Variants in KDM2B observed in about 807,000 individuals in gnomAD.
The protein encoded by KDM2B is lysine-specific demethylase 2B.
Under a neutral mutation model 150.0 loss-of-function variants are expected in KDM2B, and 26 were observed. That is an observed-to-expected ratio of 0.17 (90% CI 0.13 to 0.24). KDM2B has a LOEUF of 0.24. Ranked by LOEUF, KDM2B falls within the 10% of genes least tolerant of loss-of-function variation. KDM2B has a pLI of 1.00. For missense variants in KDM2B, 1,265 were observed against 1,816.9 expected, an observed-to-expected ratio of 0.70 and a Z score of 5.52; for synonymous variants, 734 against 729.5, an observed-to-expected ratio of 1.01 and a Z score of -0.10.
chr12:121,544,234 G>A (rs1402594887), intron 6 of KDM2B, among the ~76,000 whole-genome samples: 1 of 151,856 alleles, frequency 6.6e-6, no homozygotes, highest in Admixed American at 6.6e-5. Flanking sequence ...GTTTAAGGCT[G>A]CAGTAAGCTA....
At chr12:121,486,229 C>A (rs2140163659) in intron 12 of KDM2B, among the ~76,000 whole-genome samples, 1 of 151,604 alleles carries the variant, frequency 6.6e-6, no homozygotes, top group Admixed American at 6.6e-5. Context: ...CTGCCTCAGA[C>A]TCCTGAGTAG....
downstream of KDM2B, among the ~76,000 whole-genome samples, chr12:121,428,182 G>C (rs574964379): frequency 1.2e-4 from 18 of 152,132 alleles, no homozygotes; most frequent in South Asian, 4.2e-4. Flanking sequence ...CAGGAGACAT[G>C]TATCTAGATG....
rs142068754 is a variant in KDM2B, at chr12:121,518,483, G to A, written c.1047+2502C>T. Among the ~76,000 whole-genome samples, 51 of 152,304 alleles carry A rather than the reference G, an allele frequency of 3.3e-4. No individual in the cohort carries two copies. The highest frequency in any genetic ancestry group is 6.8e-4 in the Non-Finnish European group (46 of 68,020). On this transcript the variant is annotated intron_variant, in intron 9 of 22. Coordinates refer to ENST00000377071, the MANE Select transcript of KDM2B (RefSeq NM_032590.5). The surrounding 1 kb of genome is among the most constrained non-coding windows in gnomAD (Gnocchi z 4.4). ...AGCCTGCTTCGGTGAAACCAGATGG[G>A]GTGCCCACTCAGGGGAAGGGACAGT...
intron 12 of KDM2B, among the ~76,000 whole-genome samples, chr12:121,474,407 T>G (rs1423714500): frequency 3.9e-5 from 6 of 151,960 alleles, no homozygotes; most frequent in African/African-American, 1.2e-4. Context: ...TCCCAGCTAC[T>G]CAGGAGGCTG....
At chr12:121,421,008 T>C in the KDM2B span, among the ~76,000 whole-genome samples, 1 of 152,178 alleles carries the variant, frequency 6.6e-6, no homozygotes, top group Non-Finnish European at 1.5e-5. Context: ...TAGAAAATTA[T>C]TCAATTTGGT....
chr12:121,520,296 CT>C lies in KDM2B; in HGVS notation c.1047+688del, dbSNP rs1886575372. Reference sequence around the variant, plus strand: ...CCATGGCAAGTTCAGGCCACTTGTCCTTTTCAGGGGACACTTGTGGAGCGAA... The same window carrying C: ...CCATGGCAAGTTCAGGCCACTTGTCCTTTCAGGGGACACTTGTGGAGCGAA... On this transcript the variant is annotated intron_variant, in intron 9 of 22. Transcript: ENST00000377071. The surrounding 1 kb of genome is among the most constrained non-coding windows in gnomAD (Gnocchi z 4.5). Among the ~76,000 whole-genome samples the C allele has an allele frequency of 3.3e-5, 5 of 152,154 alleles. No individual in the cohort carries two copies. In the South Asian group the frequency reaches 1.0e-3, roughly 32 times the overall value.
At chr12:121,445,017 G>A in intron 14 of KDM2B, 4 of 498,454 alleles carry the variant, frequency 8.0e-6, no homozygotes, top group South Asian at 7.4e-5. Flanking sequence ...TTTGCCATCT[G>A]CTGAGGCTCT....
Position 121,442,783 on chromosome 12 carries a change from G to T in KDM2B, c.2658C>A (p.Leu886=). The change falls in exon 19 of 23, where the codon CTC becomes CTA. Residue 886 remains leucine (L), a synonymous_variant. Transcript: ENST00000377071. The surrounding 1 kb of genome is among the most constrained non-coding windows in gnomAD (Gnocchi z 7.7). ...EDRMALANKP[L]RRFKQEPEDE... ...CCTCGGGTTCCTGCTTGAAGCGCCG[G>T]AGGGGCTTGTTGGCCAGCGCCATGC... 1 of 1,542,036 alleles carries T rather than the reference G, an allele frequency of 6.5e-7. No individual in the cohort carries two copies. The highest frequency in any genetic ancestry group is 1.3e-5 in the South Asian group (1 of 78,174).
intron 11 of KDM2B, 22 bp from the exon 12 acceptor site, chr12:121,494,687 A>G (rs782136475): frequency 1.3e-6 from 2 of 1,592,082 alleles, no homozygotes; most frequent in Non-Finnish European, 1.7e-6. Context: ...CAAAGCATCC[A>G]TATTAGCCCA....
chr12:121,523,243 C>T (rs782791411), intron 8 of KDM2B, among the ~76,000 whole-genome samples: 2 of 152,146 alleles, frequency 1.3e-5, no homozygotes, highest in African/African-American at 2.4e-5. Flanking sequence ...CTGCAAGTCC[C>T]GGGGGAAAGG....
rs190367634 is a variant in KDM2B, at chr12:121,454,067, G to C, written c.1735-723C>G. Among the ~76,000 whole-genome samples, 20 of 148,008 alleles carry C rather than the reference G, an allele frequency of 1.4e-4. No individual in the cohort carries two copies. The East Asian group carries it at 4.0e-3, about 30-fold the overall frequency. ...TGGCTGATGCCCACTCATTCCGTCT[G>C]GTCAGTTTACAGGCTGCTTTCTTCT... On this transcript the variant is annotated intron_variant, in intron 12 of 22. Transcript: ENST00000377071.
Position 121,430,062 on chromosome 12 carries a change from TGGTCCA to T in KDM2B, c.*220_*225del. 2 of 1,459,068 alleles carry T rather than the reference TGGTCCA, an allele frequency of 1.4e-6. No individual in the cohort carries two copies. The highest frequency in any genetic ancestry group is 1.9e-6 in the Non-Finnish European group (2 of 1,038,518). The allele number at this position is 1,459,068 out of a possible 1,614,324, so 90.4% of individuals were successfully genotyped here. ...CTTCTTGTAAAGGCCGCCTTAGAAATGGTCCAGAAAGCAGTGCAGTTACGATTCAGA... is the reference window on the plus strand; with the variant it reads ...CTTCTTGTAAAGGCCGCCTTAGAAATGAAAGCAGTGCAGTTACGATTCAGA... On this transcript the variant is annotated 3_prime_UTR_variant, in exon 23 of 23. Coordinates refer to ENST00000377071, the MANE Select transcript of KDM2B (RefSeq NM_032590.5). This position sits in a 1 kb window ranked among gnomAD's most constrained non-coding sequence, Gnocchi z 4.4.
intron 6 of KDM2B, among the ~76,000 whole-genome samples, chr12:121,539,445 T>C (rs1371770345): frequency 6.6e-6 from 1 of 151,954 alleles, no homozygotes; most frequent in African/African-American, 2.4e-5. Flanking sequence ...ATTGTATTTT[T>C]AGTCACAAAT....
rs1179612444 is a variant in KDM2B, at chr12:121,480,934, T to G, written c.1734+13645A>C. ...AAGTGAGAGGTGTTTTTTTTGTTGT[T>G]TTTTTTTTTTTGAGATGGAGTCTCG... On this transcript the variant is annotated intron_variant, in intron 12 of 22. Transcript: ENST00000377071. Among the ~76,000 whole-genome samples, 24 of 67,458 alleles carry G rather than the reference T, an allele frequency of 3.6e-4. No homozygotes were observed. The Admixed American group carries it at 3.8e-3, about 11-fold the overall frequency. 44.3% of individuals were successfully genotyped at this position (67,458 alleles called of 152,430 possible). A position where few individuals can be genotyped will look rare whatever the true frequency, so the allele number is the denominator to read the frequency against.
chr12:121,516,539 C>A (rs1157345954), intron 9 of KDM2B: 2 of 1,434,242 alleles, frequency 1.4e-6, no homozygotes, highest in South Asian at 2.6e-5. Context: ...ATTAAACATA[C>A]GGTTGCTCAA....
At chr12:121,516,807 A>C in intron 9 of KDM2B, 1 of 675,118 alleles carries the variant, frequency 1.5e-6, no homozygotes, top group East Asian at 2.7e-5. Context: ...GGTCTCAAGG[A>C]CTTGAAAAAG....
Position 121,430,104 on chromosome 12 carries a change from G to GA in KDM2B, c.*183dup, listed in dbSNP as rs1872762578. On this transcript the variant is annotated 3_prime_UTR_variant, in exon 23 of 23. Coordinates refer to ENST00000377071, the MANE Select transcript of KDM2B (RefSeq NM_032590.5). The surrounding 1 kb of genome is among the most constrained non-coding windows in gnomAD (Gnocchi z 4.4). ...CAGTTACGATTCAGAAAGACCAAAG[G>GA]AAAGTGTCGGCTCACTCATCCCCCA... 6.2e-7 allele frequency: 1 copy of GA among 1,605,480 alleles called. No homozygotes were observed. The highest frequency in any genetic ancestry group is 1.3e-5 in the African/African-American group (1 of 74,756).
rs1057058294 is a variant in KDM2B at position 121,513,744 on chromosome 12, G to A, written c.1048-342C>T. ...AGAGAGTGTGGGCACCTGCAGGTGG[G>A]AGCCGCTGCCTGATTCTAGCTACAA... is the stretch of plus-strand genomic sequence containing the variant. On this transcript the variant is annotated intron_variant, in intron 9 of 22. Transcript: ENST00000377071. This position sits in a 1 kb window ranked among gnomAD's most constrained non-coding sequence, Gnocchi z 5.0. 3.2e-4 allele frequency among the ~76,000 whole-genome samples: 48 copies of A among 152,134 alleles called. No individual in the cohort carries two copies. The highest frequency in any genetic ancestry group is 2.1e-4 in the Non-Finnish European group (14 of 68,028).
chr12:121,509,721 G>A lies in KDM2B; in HGVS notation c.1493C>T (p.Pro498Leu), dbSNP rs1555303543. The change falls in exon 11 of 23, where the codon CCC (proline) becomes CTC (leucine). Residue 498 changes from proline (P) to leucine (L), a missense_variant. Pro to Leu is a moderately conservative substitution (Grantham distance 98). Transcript: ENST00000377071. ...VDYPKTPTGS[P>L]ATEVSAKWTH... ...CCATTTGGCAGAGACCTCCGTGGCGGGAGAGCCGGTGGGGGTCTTGGGGTA... is the reference window on the plus strand; with the variant it reads ...CCATTTGGCAGAGACCTCCGTGGCGAGAGAGCCGGTGGGGGTCTTGGGGTA... The A allele has an allele frequency of 1.2e-6, 2 of 1,614,028 alleles. No homozygotes were observed. Among genetic ancestry groups the A allele is most frequent in the Admixed American group, 1.7e-5 (1 of 60,010 alleles).
Sources: gnomAD v4.1 joint callset for allele counts (sites outside exome capture counted in the v4.1 genomes callset) on GRCh38, gnomAD v4.1.1 for gene constraint, Gnocchi (gnomAD v3.1) non-coding constraint, MANE v1.5 for transcripts, NCBI Gene and HGNC (gene_info 2026-07-23, HGNC 2026-07-21) for gene names.